The following FSTL5 variants were observed in gnomAD, a reference collection of about 807,000 sequenced individuals.
FSTL5 encodes follistatin like 5.
In FSTL5, 62 loss-of-function variants were observed where a neutral mutation model predicts 89.1. That is an observed-to-expected ratio of 0.70 (90% confidence interval 0.57 to 0.86). FSTL5 has a LOEUF of 0.86. FSTL5 is among the 40% of genes least tolerant of loss of function. The pLI, the probability that FSTL5 is intolerant of heterozygous loss-of-function variation, is 0.00. For missense variants in FSTL5, 1,057 were observed against 1,001.6 expected (o/e 1.06, Z -0.75); for synonymous variants, 383 against 346.2 (o/e 1.11, Z -1.18).
intron 13 of FSTL5, 43 bp downstream of exon 13, chr4:161,480,976 AT>A (rs1192838831): frequency 5.2e-6 from 7 of 1,353,730 alleles, no homozygotes; most frequent in Non-Finnish European, 7.2e-6. Flanking sequence ...TGATATAAAT[AT>A]TTTTTAAAGA....
At chr4:161,516,365 A>G (rs1400735937) in intron 10 of FSTL5, among the ~76,000 whole-genome samples, 1 of 148,678 alleles carries the variant, frequency 6.7e-6, no homozygotes, top group Admixed American at 6.7e-5. Flanking sequence ...ATATGCCACT[A>G]CTGTTATATA....
intron 12 of FSTL5, among the ~76,000 whole-genome samples, chr4:161,494,255 A>T (rs887133493): frequency 1.3e-5 from 2 of 152,274 alleles, no homozygotes; most frequent in African/African-American, 2.4e-5. Context: ...CTGAGAAAAA[A>T]AAATAAGTGG....
intron 4 of FSTL5, among the ~76,000 whole-genome samples, chr4:161,898,426 A>G (rs977915943): frequency 1.3e-5 from 2 of 151,816 alleles, no homozygotes; most frequent in Non-Finnish European, 2.9e-5. Flanking sequence ...AGGAAAAATG[A>G]TATGGTAAGA....
rs1429892690 is a variant in FSTL5 at position 161,759,439 on chromosome 4, C to G, written c.699G>C (p.Leu233=). The G allele has an allele frequency of 1.9e-6, 3 of 1,593,376 alleles. No individual in the cohort carries two copies. The highest frequency in any genetic ancestry group is 2.6e-6 in the Non-Finnish European group (3 of 1,171,502). The stretch of plus-strand genomic sequence containing the variant: ...ATGCTCTATAAAATTCTTCAAGAGC[C>G]AGGTGCTTGTCAGCATTAAAATCAT... ...KYDDFNADKH[L]ALEEFYRAFQ... Residue 233 remains leucine (L), a synonymous_variant, in exon 6 of 16, where the codon CTG becomes CTC. Transcript: ENST00000306100.
intron 6 of FSTL5, among the ~76,000 whole-genome samples, chr4:161,684,822 C>T (rs1053035107): frequency 5.3e-5 from 8 of 152,024 alleles, no homozygotes; most frequent in Admixed American, 1.3e-4. Context: ...GTCATGAAAT[C>T]CTTGCCTAAG....
At chr4:161,585,475 A>G (rs1733578557) in intron 8 of FSTL5, among the ~76,000 whole-genome samples, 1 of 152,050 alleles carries the variant, frequency 6.6e-6, no homozygotes, top group Admixed American at 6.6e-5. Flanking sequence ...CACTCTAAAA[A>G]CTACTAAGAA....
intron 6 of FSTL5, among the ~76,000 whole-genome samples, chr4:161,665,102 C>T (rs896383323): frequency 2.0e-5 from 3 of 152,132 alleles, no homozygotes; most frequent in Admixed American, 2.0e-4. Context: ...AGTCACTTAA[C>T]AATGAAATTA....
chr4:161,828,129 A>C (rs999644417), intron 4 of FSTL5, among the ~76,000 whole-genome samples: 40 of 152,196 alleles, frequency 2.6e-4, no homozygotes, highest in African/African-American at 9.4e-4. Context: ...CCACAGGGGC[A>C]CTTCCTGTCG....
intron 4 of FSTL5, among the ~76,000 whole-genome samples, chr4:161,803,181 T>C (rs1431637700): frequency 2.6e-5 from 4 of 151,938 alleles, no homozygotes; most frequent in Non-Finnish European, 5.9e-5. Flanking sequence ...CTTTGTGATT[T>C]ATCAGTTGGG....
intron 13 of FSTL5, among the ~76,000 whole-genome samples, chr4:161,465,056 A>G (rs1733705371): frequency 6.6e-6 from 1 of 152,190 alleles, no homozygotes; most frequent in Admixed American, 6.5e-5. Flanking sequence ...TGATGCCTTC[A>G]TATTGTAAAA....
intron 6 of FSTL5, among the ~76,000 whole-genome samples, chr4:161,736,380 A>G (rs2126767054): frequency 6.6e-6 from 1 of 152,258 alleles, no homozygotes; most frequent in East Asian, 1.9e-4. Context: ...GAGTAATAAA[A>G]TGAAGGTCCC....
chr4:161,413,364 C>T (rs1731664540), intron 15 of FSTL5, among the ~76,000 whole-genome samples: 1 of 148,698 alleles, frequency 6.7e-6, no homozygotes, highest in Non-Finnish European at 1.5e-5. Flanking sequence ...AAATCAAAAC[C>T]ACAATGAGAT....
intron 3 of FSTL5, among the ~76,000 whole-genome samples, chr4:161,972,100 T>A (rs147145149): frequency 6.6e-6 from 1 of 152,138 alleles, no homozygotes; most frequent in Non-Finnish European, 1.5e-5. Context: ...GATGTGCTTC[T>A]TTTTCTTTTT....
At chr4:161,750,451 C>T (rs1031430714) in intron 6 of FSTL5, among the ~76,000 whole-genome samples, 4 of 151,908 alleles carry the variant, frequency 2.6e-5, no homozygotes, top group African/African-American at 4.8e-5. Context: ...ATATTTTGGA[C>T]GTGTTTAAGT....
At chr4:161,600,393 T>C (rs899942826) in intron 7 of FSTL5, among the ~76,000 whole-genome samples, 3 of 152,052 alleles carry the variant, frequency 2.0e-5, no homozygotes, top group African/African-American at 4.8e-5. Flanking sequence ...TTCAGATTCA[T>C]TGGTAAGGGC....
intron 11 of FSTL5, among the ~76,000 whole-genome samples, chr4:161,504,114 A>T (rs1450611795): frequency 6.6e-6 from 1 of 151,950 alleles, no homozygotes; most frequent in African/African-American, 2.4e-5. Context: ...TATTTGTTTG[A>T]AAACTTAGCT....
intron 15 of FSTL5, among the ~76,000 whole-genome samples, chr4:161,407,470 G>C (rs1205463995): frequency 6.6e-6 from 1 of 152,340 alleles, no homozygotes; most frequent in Non-Finnish European, 1.5e-5. Context: ...ACTATGGCTA[G>C]TTCCCCTCCC....
rs539749954 is a variant in FSTL5, at chr4:161,396,487, C to CAAA, written c.1842-10041_1842-10039dup. Among the ~76,000 whole-genome samples, 221 of 106,786 alleles carry CAAA rather than the reference C, an allele frequency of 2.1e-3. 1 individual carries two copies. Among genetic ancestry groups the CAAA allele is most frequent in the African/African-American group, 7.4e-3 (212 of 28,534 alleles). The allele number at this position is 106,786 out of a possible 152,430, so 70.1% of individuals were successfully genotyped here. On this transcript the variant is annotated intron_variant, in intron 15 of 15. Coordinates refer to ENST00000306100, the MANE Select transcript of FSTL5 (RefSeq NM_020116.5). ...TGAAACTCCATCTCTACTAAAAATACAAAAAAAAAAAAAAAAATTAGCTAG... is the reference window on the plus strand; with the variant it reads ...TGAAACTCCATCTCTACTAAAAATACAAAAAAAAAAAAAAAAAAAATTAGCTAG...
chr4:161,546,027 T>C lies in FSTL5; in HGVS notation c.1016-3334A>G, dbSNP rs997477202. ...CTAAACATAAAAATTTAGGAAGCTA[T>C]AAAACATAATGTTGTAATTAAAATA... On this transcript the variant is annotated intron_variant, in intron 8 of 15. Coordinates refer to ENST00000306100, the MANE Select transcript of FSTL5 (RefSeq NM_020116.5). 5.9e-5 allele frequency among the ~76,000 whole-genome samples: 9 copies of C among 151,770 alleles called. No individual in the cohort carries two copies. In the South Asian group the frequency reaches 1.2e-3, roughly 21 times the overall value.
Sources: allele counts gnomAD v4.1 joint callset (sites outside exome capture counted in the v4.1 genomes callset), GRCh38; gene constraint gnomAD v4.1.1; transcripts MANE v1.5; gene names NCBI Gene and HGNC (gene_info 2026-07-23, HGNC 2026-07-21).